PDE5A: variants seen among roughly 807,000 people sequenced by gnomAD.
The protein encoded by PDE5A is phosphodiesterase 5A, also known as cGMP-specific 3',5'-cyclic phosphodiesterase.
Under a neutral mutation model 110.2 loss-of-function variants are expected in PDE5A, and 67 were observed. The ratio of observed to expected loss-of-function variants is 0.61; its 90% CI spans 0.50 to 0.75. The LOEUF is 0.75. Among genes scored for constraint, PDE5A ranks in the 30% least tolerant of loss-of-function variants. The probability of loss-of-function intolerance (pLI) is 0.00; values close to 1 mark genes in which losing one functional copy is unlikely to be tolerated. For missense variants in PDE5A, 862 were observed against 1,045.1 expected (o/e 0.82, Z 2.42); for synonymous variants, 328 against 351.2 (o/e 0.93, Z 0.74).
At chr4:119,610,877 C>T (rs966681268) in intron 1 of PDE5A, among the ~76,000 whole-genome samples, 4 of 152,160 alleles carry the variant, frequency 2.6e-5, no homozygotes, top group African/African-American at 9.7e-5. Flanking sequence ...TCTCTCTGAT[C>T]CTATACTTAC....
chr4:119,570,923 C>T (rs1326245011), intron 3 of PDE5A, among the ~76,000 whole-genome samples: 6 of 152,146 alleles, frequency 3.9e-5, no homozygotes, highest in African/African-American at 1.4e-4. Flanking sequence ...AGAATTTTCC[C>T]TAGTGCTCTT....
chr4:119,511,169 C>G, intron 14 of PDE5A, 35 bp from the exon 15 acceptor site: 1 of 1,357,964 alleles, frequency 7.4e-7, no homozygotes, highest in South Asian at 1.2e-5. Flanking sequence ...GAAAAAAGAT[C>G]AGTTTCCTTA....
At position 119,497,774 on chromosome 4, in the gene PDE5A, A is replaced by G. The variant is rs1378097297; in HGVS notation, c.*827T>C. The stretch of plus-strand genomic sequence containing the variant: ...AGCTCAGAAGGAAAAAAACTCTTAG[A>G]GAGATCTTCTAACAGAACATTTTTC... On this transcript the variant is annotated 3_prime_UTR_variant, in exon 21 of 21. Coordinates refer to ENST00000354960, the MANE Select transcript of PDE5A (RefSeq NM_001083.4). The G allele has an allele frequency of 6.6e-6, 1 of 152,114 alleles. No homozygotes were observed. The highest frequency in any genetic ancestry group is 1.5e-5 in the Non-Finnish European group (1 of 68,008). 9.4% of individuals were successfully genotyped at this position (152,114 alleles called of 1,614,324 possible).
Position 119,627,297 on chromosome 4 carries a change from C to A in PDE5A, c.152+1223G>T, listed in dbSNP as rs1324156921. On this transcript the variant is annotated intron_variant, in intron 1 of 20. Coordinates refer to ENST00000354960, the MANE Select transcript of PDE5A (RefSeq NM_001083.4). The surrounding 1 kb of genome is among the most constrained non-coding windows in gnomAD (Gnocchi z 4.6). ...CGGCGACTCAGAACCAGCTCCCTCA[C>A]GGCCCCGGCCTCCGCGCCGCCGCCC... The A allele has an allele frequency of 5.3e-6, 7 of 1,331,106 alleles. No homozygotes were observed. The highest frequency in any genetic ancestry group is 5.8e-6 in the Non-Finnish European group (6 of 1,027,446). The allele number at this position is 1,331,106 out of a possible 1,614,324, so 82.5% of individuals were successfully genotyped here.
chr4:119,628,529 T>A lies in PDE5A; in HGVS notation c.143A>T (p.Lys48Ile). 1 of 1,579,946 alleles carries A rather than the reference T, an allele frequency of 6.3e-7. No homozygotes were observed. The highest frequency in any genetic ancestry group is 2.3e-5 in the East Asian group (1 of 44,222). The change falls in exon 1 of 21, where the codon AAA (lysine) becomes ATA (isoleucine). Residue 48 changes from lysine (K) to isoleucine (I), a missense_variant. Physicochemically the swap from Lys to Ile is moderately radical, Grantham distance 102. Coordinates refer to ENST00000354960, the MANE Select transcript of PDE5A (RefSeq NM_001083.4). ...WDFTFSYFVR[K>I]ATREMVNAWF... is the part of the protein sequence containing the mutation. ...TGGGTCCTCTTCTTACCTGGTGGCT[T>A]TTCTAACAAAGTATGAGAAGGTAAA...
chr4:119,560,352 A>G lies in PDE5A; in HGVS notation c.1143T>C (p.Ser381=). ...CCTCACACTCCATGTGAAACACACT[A>G]GAAAAAGAATCCTAAAAACAGACAA... is the stretch of plus-strand genomic sequence containing the variant. ...IVDEDCSDSF[S]SVFHMECEEL... is the part of the protein sequence containing the mutation. Residue 381 remains serine, a synonymous_variant, in exon 7 of 21, where the codon TCT becomes TCC. Coordinates refer to ENST00000354960, the MANE Select transcript of PDE5A (RefSeq NM_001083.4). The G allele has an allele frequency of 6.3e-7, 1 of 1,584,850 alleles. No homozygotes were observed. Among genetic ancestry groups the G allele is most frequent in the South Asian group, 1.2e-5 (1 of 82,694 alleles).
At chr4:119,623,880 T>C (rs757594945) in intron 1 of PDE5A, among the ~76,000 whole-genome samples, 1 of 152,254 alleles carries the variant, frequency 6.6e-6, no homozygotes, top group Non-Finnish European at 1.5e-5. Flanking sequence ...CTACACTAAT[T>C]GCCATTGCAT....
intron 2 of PDE5A, among the ~76,000 whole-genome samples, chr4:119,603,174 G>A (rs747368014): frequency 6.6e-6 from 1 of 152,090 alleles, no homozygotes; most frequent in Non-Finnish European, 1.5e-5. Flanking sequence ...TAGCTTCTTA[G>A]TATAAGTGTT....
intron 2 of PDE5A, among the ~76,000 whole-genome samples, chr4:119,606,341 C>T (rs1035928554): frequency 6.6e-6 from 1 of 151,730 alleles, no homozygotes; most frequent in Non-Finnish European, 1.5e-5. Context: ...ATTTTAGAAT[C>T]TCAGTAAAAT....
At chr4:119,515,385 T>G (rs1421442107) in intron 14 of PDE5A, among the ~76,000 whole-genome samples, 1 of 152,212 alleles carries the variant, frequency 6.6e-6, no homozygotes, top group Admixed American at 6.5e-5. Flanking sequence ...AGTCATGGGA[T>G]AGAACAAGTT....
At chr4:119,505,756 G>C (rs1725528043) in intron 17 of PDE5A, 99 bp downstream of exon 17, 3 of 683,462 alleles carry the variant, frequency 4.4e-6, no homozygotes, top group Non-Finnish European at 7.5e-6. Context: ...TCATCATATT[G>C]TAACAAATAA....
intron 1 of PDE5A, among the ~76,000 whole-genome samples, chr4:119,621,067 T>C (rs1730125502): frequency 6.6e-6 from 1 of 152,248 alleles, no homozygotes; most frequent in Non-Finnish European, 1.5e-5. Context: ...TGTTCGTAAT[T>C]AACTGAGAAT....
intron 6 of PDE5A, among the ~76,000 whole-genome samples, chr4:119,561,990 T>A (rs377009872): frequency 1.3e-5 from 2 of 152,194 alleles, no homozygotes; most frequent in African/African-American, 4.8e-5. Flanking sequence ...AATTGACCTA[T>A]ACAAGTGATA....
Position 119,606,804 on chromosome 4 carries a change from C to T in PDE5A, c.646G>A (p.Val216Ile). 6.2e-7 allele frequency: 1 copy of T among 1,614,200 alleles called. No individual in the cohort carries two copies. The highest frequency in any genetic ancestry group is 8.5e-7 in the Non-Finnish European group (1 of 1,180,036). The change falls in exon 2 of 21, where the codon GTT becomes ATT. Residue 216 changes from valine (V) to isoleucine (I), a missense_variant. Val to Ile is a conservative substitution (Grantham distance 29). Transcript: ENST00000354960. ...TCTAAGCGGATACAGTTATTTGAAA[C>T]TTCTTCCAGTGTTGAACCTTCAGCA... The part of the protein sequence containing the change: ...DVAEGSTLEE[V>I]SNNCIRLEWN...
rs1405163131 is a variant in PDE5A at position 119,501,186 on chromosome 4, C to T, written c.2474G>A (p.Cys825Tyr). ...TATAAATACCTCATACAGTTGCAAGCAGATGGCATCTATGAACCCAACTTG... is the reference window on the plus strand; with the variant it reads ...TATAAATACCTCATACAGTTGCAAGTAGATGGCATCTATGAACCCAACTTG... ...SMQVGFIDAI[C>Y]LQLYEALTHV... The change falls in exon 20 of 21, where the codon TGC becomes TAC. Residue 825 changes from cysteine to tyrosine, a missense_variant. By Grantham distance (194) the Cys-to-Tyr change is radical. Coordinates refer to ENST00000354960, the MANE Select transcript of PDE5A (RefSeq NM_001083.4). 6.2e-7 allele frequency: 1 copy of T among 1,607,946 alleles called. No individual in the cohort carries two copies. The highest frequency in any genetic ancestry group is 8.5e-7 in the Non-Finnish European group (1 of 1,174,590).
At chr4:119,538,809 C>T (rs939655007) in intron 11 of PDE5A, 151 bp downstream of exon 11, 1 of 687,060 alleles carries the variant, frequency 1.5e-6, no homozygotes, top group African/African-American at 1.8e-5. Context: ...TTATTTAATG[C>T]CTTTTGCTTT....
intron 9 of PDE5A, chr4:119,548,937 A>AAATG (rs1727238572): frequency 6.6e-6 from 1 of 152,220 alleles, no homozygotes; most frequent in Admixed American, 6.5e-5. Flanking sequence ...AATTATAAAC[A>AAATG]AATGAATAGT....
intron 11 of PDE5A, among the ~76,000 whole-genome samples, chr4:119,531,941 G>A (rs1726556896): frequency 6.6e-6 from 1 of 152,088 alleles, no homozygotes; most frequent in South Asian, 2.1e-4. Context: ...TCACAAATAT[G>A]AAAGCTGACA....
At chr4:119,530,691 G>A (rs1726499705) in intron 11 of PDE5A, among the ~76,000 whole-genome samples, 1 of 151,882 alleles carries the variant, frequency 6.6e-6, no homozygotes, top group Non-Finnish European at 1.5e-5. Context: ...TAGAATAGGG[G>A]TTAAATATTG....
Sources: gnomAD v4.1 joint callset for allele counts (sites outside exome capture counted in the v4.1 genomes callset) on GRCh38, gnomAD v4.1.1 for gene constraint, Gnocchi (gnomAD v3.1) non-coding constraint, MANE v1.5 for transcripts, NCBI Gene and HGNC (gene_info 2026-07-23, HGNC 2026-07-21) for gene names.